Variants in SGCZ observed in about 807,000 individuals in gnomAD.
SGCZ encodes sarcoglycan zeta, also known as zeta-sarcoglycan.
Under a neutral mutation model 41.3 loss-of-function variants are expected in SGCZ, and 40 were observed. That is an observed-to-expected ratio of 0.97 (90% CI 0.75 to 1.26). The LOEUF (loss-of-function observed/expected upper bound fraction) is 1.26, where lower values mean the gene tolerates loss of function less well. Among genes scored for constraint, SGCZ ranks in the 50% most tolerant of loss-of-function variants. The probability of loss-of-function intolerance (pLI) is 0.00; values close to 1 mark genes in which losing one functional copy is unlikely to be tolerated. For synonymous variants in SGCZ, 206 were observed against 137.5 expected (o/e 1.50, Z -3.49); for missense variants, 552 against 369.8 (o/e 1.49, Z -4.04).
At chr8:14,335,689 T>C (rs1802482861) in intron 2 of SGCZ, among the ~76,000 whole-genome samples, 1 of 152,208 alleles carries the variant, frequency 6.6e-6, no homozygotes, top group South Asian at 2.1e-4. Flanking sequence ...ATCCTTTGTA[T>C]AGAAATTCAG....
chr8:14,574,240 C>T (rs1187667645), intron 1 of SGCZ, among the ~76,000 whole-genome samples: 6 of 152,182 alleles, frequency 3.9e-5, no homozygotes, highest in Admixed American at 3.3e-4. Flanking sequence ...GCCTCTGCAG[C>T]AGCCTCAGAA....
intron 1 of SGCZ, among the ~76,000 whole-genome samples, chr8:14,880,873 G>A (rs1001641369): frequency 1.7e-4 from 26 of 151,996 alleles, no homozygotes; most frequent in Non-Finnish European, 2.4e-4. Flanking sequence ...GTTAATGGGT[G>A]CAGCACATCA....
intron 1 of SGCZ, among the ~76,000 whole-genome samples, chr8:15,184,129 G>T (rs1800261267): frequency 6.6e-6 from 1 of 152,200 alleles, no homozygotes. Flanking sequence ...CAACAATTAT[G>T]TTTAAAACAT....
At chr8:15,094,159 C>T (rs995218929) in intron 1 of SGCZ, among the ~76,000 whole-genome samples, 4 of 151,404 alleles carry the variant, frequency 2.6e-5, no homozygotes, top group Middle Eastern at 3.4e-3. Context: ...TTTTGAGACA[C>T]GGTCTCACTC....
intron 1 of SGCZ, among the ~76,000 whole-genome samples, chr8:15,236,387 C>G (rs1468928716): frequency 6.6e-6 from 1 of 151,642 alleles, no homozygotes; most frequent in Non-Finnish European, 1.5e-5. Context: ...TCGGATAAAC[C>G]CATTTCCTTG....
At chr8:14,184,746 T>C (rs1042186285) in intron 4 of SGCZ, among the ~76,000 whole-genome samples, 1 of 152,210 alleles carries the variant, frequency 6.6e-6, no homozygotes, top group Admixed American at 6.5e-5. Flanking sequence ...GAGAAGTACC[T>C]TAAACTATGG....
intron 1 of SGCZ, among the ~76,000 whole-genome samples, chr8:14,797,720 G>A (rs1371558430): frequency 2.0e-5 from 3 of 152,124 alleles, no homozygotes; most frequent in Admixed American, 2.0e-4. Context: ...CCCATCACAG[G>A]CCCTGAGGCC....
At chr8:14,525,764 T>C (rs1443407938) in intron 2 of SGCZ, among the ~76,000 whole-genome samples, 3 of 152,076 alleles carry the variant, frequency 2.0e-5, no homozygotes, top group African/African-American at 4.8e-5. Flanking sequence ...TAAATTACAA[T>C]AAACTTTAAG....
At chr8:14,920,035 C>G (rs972993105) in intron 1 of SGCZ, among the ~76,000 whole-genome samples, 1 of 152,140 alleles carries the variant, frequency 6.6e-6, no homozygotes, top group African/African-American at 2.4e-5. Flanking sequence ...TATATTTCTA[C>G]TTCTAAAAAT....
intron 2 of SGCZ, among the ~76,000 whole-genome samples, chr8:14,411,234 T>A (rs909160632): frequency 3.9e-5 from 6 of 152,104 alleles, no homozygotes; most frequent in African/African-American, 1.2e-4. Flanking sequence ...GCCCTACAAC[T>A]CTTACATAGT....
At chr8:14,884,903 G>A (rs75375008) in intron 1 of SGCZ, among the ~76,000 whole-genome samples, 7,461 of 152,056 alleles carry the variant, frequency 0.049, 214 homozygotes, top group Non-Finnish European at 0.061. Flanking sequence ...GTGTAGACAG[G>A]CAGACAGGCG....
intron 1 of SGCZ, among the ~76,000 whole-genome samples, chr8:15,140,697 T>C (rs1808287666): frequency 6.6e-6 from 1 of 152,206 alleles, no homozygotes; most frequent in Non-Finnish European, 1.5e-5. Flanking sequence ...GTCTATAATA[T>C]TTGTCTCTAT....
intron 1 of SGCZ, among the ~76,000 whole-genome samples, chr8:14,566,573 C>A (rs563016566): frequency 1.3e-5 from 2 of 152,372 alleles, no homozygotes; most frequent in African/African-American, 4.8e-5. Flanking sequence ...ATTTGCCTTT[C>A]CACCAAAGAT....
At chr8:15,031,464 G>T in intron 1 of SGCZ, among the ~76,000 whole-genome samples, 1 of 152,156 alleles carries the variant, frequency 6.6e-6, no homozygotes, top group East Asian at 1.9e-4. Context: ...TACTATCAAT[G>T]ATAGCTAACA....
At chr8:14,444,499 C>T (rs1208751969) in intron 2 of SGCZ, among the ~76,000 whole-genome samples, 1 of 152,068 alleles carries the variant, frequency 6.6e-6, no homozygotes, top group Non-Finnish European at 1.5e-5. Context: ...ATGATGAGTT[C>T]ATGTCCTTTG....
chr8:14,714,436 T>A (rs180679450), intron 1 of SGCZ, among the ~76,000 whole-genome samples: 56 of 152,298 alleles, frequency 3.7e-4, no homozygotes, highest in African/African-American at 1.3e-3. Context: ...TCACACAACT[T>A]TAACTGGCAT....
At chr8:14,433,591 T>C (rs192787188) in intron 2 of SGCZ, among the ~76,000 whole-genome samples, 58 of 152,282 alleles carry the variant, frequency 3.8e-4, no homozygotes, top group African/African-American at 1.4e-3. Flanking sequence ...TCTTCCATCA[T>C]TGCATCTAAT....
At chr8:14,787,853 A>G (rs1310769870) in intron 1 of SGCZ, among the ~76,000 whole-genome samples, 2 of 152,206 alleles carry the variant, frequency 1.3e-5, no homozygotes, top group African/African-American at 4.8e-5. Context: ...TTTCAAAAAA[A>G]AAAGGAATAT....
At chr8:14,827,765 T>C (rs1563297847) in intron 1 of SGCZ, among the ~76,000 whole-genome samples, 1 of 152,154 alleles carries the variant, frequency 6.6e-6, no homozygotes. Flanking sequence ...CTTTATATCA[T>C]TTAACTACAT....
Sources: gnomAD v4.1 joint callset for allele counts (sites outside exome capture counted in the v4.1 genomes callset) on GRCh38, gnomAD v4.1.1 for gene constraint, MANE v1.5 for transcripts, NCBI Gene and HGNC (gene_info 2026-07-23, HGNC 2026-07-21) for gene names.